Variants in RSPH14 observed in about 807,000 individuals in gnomAD.
RSPH14 encodes the protein rhabdoid tumor deletion region gene 1.
Under a neutral mutation model 26.7 loss-of-function variants are expected in RSPH14, and 20 were observed. The observed-to-expected ratio is 0.75, with a 90% confidence interval of 0.53 to 1.09. The LOEUF (loss-of-function observed/expected upper bound fraction) is 1.09, where lower values mean the gene tolerates loss of function less well. RSPH14 is among the 50% of genes least tolerant of loss of function. RSPH14 has a pLI of 0.00. For synonymous variants in RSPH14, 177 were observed against 189.3 expected, an observed-to-expected ratio of 0.93 and a Z score of 0.53; for missense variants, 449 against 457.2, an observed-to-expected ratio of 0.98 and a Z score of 0.16.
At chr22:23,122,951 G>A in intron 4 of RSPH14, 1 of 628,128 alleles carries the variant, frequency 1.6e-6, no homozygotes, top group South Asian at 1.9e-5. Flanking sequence ...GGCTTCCCCA[G>A]CAGAAGGAGG....
chr22:23,075,804 C>A (rs901869236), intron 4 of RSPH14, among the ~76,000 whole-genome samples: 1 of 152,172 alleles, frequency 6.6e-6, no homozygotes, highest in Admixed American at 6.5e-5. Context: ...AGACCCTTGG[C>A]CCCTGGGATG....
chr22:23,069,371 G>A, intron 4 of RSPH14, among the ~76,000 whole-genome samples: 1 of 152,194 alleles, frequency 6.6e-6, no homozygotes, highest in East Asian at 1.9e-4. Context: ...TTACAAAGAT[G>A]GAGAAGAGAG....
upstream of RSPH14, among the ~76,000 whole-genome samples, chr22:23,143,292 AAAATAAAT>A (rs57037255): frequency 2.2e-3 from 313 of 141,920 alleles, 2 homozygotes; most frequent in African/African-American, 4.7e-3. Flanking sequence ...CCTCAACTCT[AAAATAAAT>A]AAATAAATAA....
intron 4 of RSPH14, among the ~76,000 whole-genome samples, chr22:23,115,998 C>G (rs1011493655): frequency 6.6e-6 from 1 of 152,242 alleles, no homozygotes; most frequent in Non-Finnish European, 1.5e-5. Context: ...AGGAAGGTGC[C>G]GCGCATGTGC....
At chr22:23,180,591 C>CGGCGGCGGCGGCGGCGGCGGCGGCGGCG in the RSPH14 span, 3 of 27,550 alleles carry the variant, frequency 1.1e-4, no homozygotes, top group African/African-American at 3.3e-3. Context: ...GCGGCGGCGG[C>CGGCGGCGGCGGCGGCGGCGGCGGCGGCG]ACGGCGGCGG....
At chr22:23,063,707 A>C (rs1018088396) in intron 5 of RSPH14, among the ~76,000 whole-genome samples, 195 bp downstream of exon 5, 7 of 152,032 alleles carry the variant, frequency 4.6e-5, no homozygotes, top group African/African-American at 7.2e-5. Flanking sequence ...CCTGGGATAC[A>C]GTACACTCCC....
the RSPH14 span, chr22:23,163,108 T>G: frequency 4.3e-5 from 9 of 209,722 alleles, no homozygotes; most frequent in Non-Finnish European, 8.7e-5. Context: ...ATGGGGTTTC[T>G]CCATGTTGGT....
chr22:23,158,834 C>T, the RSPH14 span: 31 of 1,467,460 alleles, frequency 2.1e-5, no homozygotes, highest in Non-Finnish European at 2.9e-5. Flanking sequence ...CCAAGTGTGC[C>T]CTCTGCCCCC....
intron 5 of RSPH14, 106 bp downstream of exon 5, chr22:23,063,796 G>A: frequency 9.9e-7 from 1 of 1,014,534 alleles, no homozygotes; most frequent in South Asian, 1.5e-5. Context: ...GGCACAAGCA[G>A]GCAAGGGGAA....
At position 23,140,234 on chromosome 22, in the gene RSPH14, C is replaced by T; in HGVS notation, c.187G>A (p.Ala63Thr). The T allele has an allele frequency of 1.2e-6, 2 of 1,613,888 alleles. No individual in the cohort carries two copies. Among genetic ancestry groups the T allele is most frequent in the Non-Finnish European group, 1.7e-6 (2 of 1,180,024 alleles). ...LMHDPECIYK[A>T]MNIGCMENLK... ...GTGTCACGCTCACCTATGTTCATGG[C>T]CTTGTAGATACACTCGGGGTCATGC... Residue 63 changes from alanine to threonine, a missense_variant, in exon 2 of 7, where the codon GCC becomes ACC. Coordinates refer to ENST00000216036, the MANE Select transcript of RSPH14 (RefSeq NM_014433.3).
chr22:23,145,818 C>T (rs2070736169), upstream of RSPH14: 1 of 335,620 alleles, frequency 3.0e-6, no homozygotes, highest in Non-Finnish European at 4.2e-6. Context: ...GAGAGGAGTC[C>T]GGACAGAAAA....
At chr22:23,153,226 G>A in the RSPH14 span, 1 of 977,696 alleles carries the variant, frequency 1.0e-6, no homozygotes, top group Non-Finnish European at 1.6e-6. Context: ...TCCATGTCAA[G>A]GAGGACTAGT....
chr22:23,093,111 A>G (rs994407153), intron 4 of RSPH14, among the ~76,000 whole-genome samples: 10 of 152,226 alleles, frequency 6.6e-5, no homozygotes, highest in African/African-American at 2.4e-4. Flanking sequence ...TATTACACAT[A>G]TCATGTACAT....
chr22:23,068,991 C>T (rs371046574), intron 4 of RSPH14, among the ~76,000 whole-genome samples: 43 of 152,310 alleles, frequency 2.8e-4, no homozygotes, highest in African/African-American at 1.0e-3. Flanking sequence ...TCCATGATGC[C>T]CATAACAAAT....
chr22:23,153,656 T>C, the RSPH14 span: 1 of 798,078 alleles, frequency 1.3e-6, no homozygotes, highest in South Asian at 5.9e-5. Flanking sequence ...CAGCCTTCAC[T>C]CCCTCTCCCC....
At chr22:23,131,305 G>A (rs925912918) in intron 4 of RSPH14, 26 of 187,746 alleles carry the variant, frequency 1.4e-4, no homozygotes, top group East Asian at 5.3e-4. Context: ...ATTATATATC[G>A]TCCATATGTA....
the RSPH14 span, among the ~76,000 whole-genome samples, chr22:23,157,344 G>A: frequency 7.6e-3 from 1,147 of 151,530 alleles, 6 homozygotes; most frequent in Non-Finnish European, 0.011. Flanking sequence ...TCCGCCTCCC[G>A]CATTCACAAC....
intron 4 of RSPH14, among the ~76,000 whole-genome samples, chr22:23,078,184 T>A (rs1165606811): frequency 6.6e-6 from 1 of 152,262 alleles, no homozygotes; most frequent in Non-Finnish European, 1.5e-5. Context: ...ACCTCTGATA[T>A]GCTGTGCAAA....
At chr22:23,117,148 A>G (rs1164426860) in intron 4 of RSPH14, among the ~76,000 whole-genome samples, 1 of 152,126 alleles carries the variant, frequency 6.6e-6, no homozygotes, top group African/African-American at 2.4e-5. Flanking sequence ...ACCTGTTACC[A>G]GGAACGTTGG....
Sources: allele counts gnomAD v4.1 joint callset (sites outside exome capture counted in the v4.1 genomes callset), GRCh38; gene constraint gnomAD v4.1.1; transcripts MANE v1.5; gene names NCBI Gene and HGNC (gene_info 2026-07-23, HGNC 2026-07-21).